Variants in ETV6 observed in about 807,000 individuals in gnomAD.
The protein encoded by ETV6 is ETS variant transcription factor 6.
ETV6 carries 16 observed loss-of-function variants against 51.1 expected under a neutral mutation model. The observed-to-expected ratio is 0.31, with a 90% CI of 0.21 to 0.48. ETV6 has a LOEUF of 0.48. Among genes scored for constraint, ETV6 ranks in the 20% least tolerant of loss-of-function variants. ETV6 has a pLI of 0.99. For synonymous variants in ETV6, 240 were observed against 224.1 expected, an observed-to-expected ratio of 1.07 and a Z score of -0.64; for missense variants, 458 against 594.8, an observed-to-expected ratio of 0.77 and a Z score of 2.39.
intron 1 of ETV6, among the ~76,000 whole-genome samples, chr12:11,665,838 C>T (rs975992820): frequency 6.6e-6 from 1 of 152,222 alleles, no homozygotes; most frequent in Non-Finnish European, 1.5e-5. Flanking sequence ...CATGTACACA[C>T]AGGGCACTCA....
chr12:11,877,707 A>G (rs1159872639), intron 5 of ETV6, among the ~76,000 whole-genome samples: 1 of 152,158 alleles, frequency 6.6e-6, no homozygotes, highest in Non-Finnish European at 1.5e-5. Context: ...GCCTGTGGCA[A>G]AAGCTTGGAC....
intron 2 of ETV6, among the ~76,000 whole-genome samples, chr12:11,789,025 G>A (rs1565526558): frequency 6.6e-6 from 1 of 151,874 alleles, no homozygotes; most frequent in Non-Finnish European, 1.5e-5. Flanking sequence ...TATATTTATT[G>A]TTTTTGTTGT....
intron 1 of ETV6, among the ~76,000 whole-genome samples, chr12:11,735,981 C>T (rs922596240): frequency 2.0e-5 from 3 of 152,078 alleles, no homozygotes; most frequent in African/African-American, 7.3e-5. Flanking sequence ...TAAATGTCGC[C>T]CTTATTTTGA....
chr12:11,667,838 A>T (rs1183685560), intron 1 of ETV6, among the ~76,000 whole-genome samples: 2 of 149,908 alleles, frequency 1.3e-5, no homozygotes, highest in Admixed American at 6.8e-5. Context: ...TGTAGCTGGG[A>T]TTACAGGTGC....
At chr12:11,789,321 G>T (rs747927331) in intron 2 of ETV6, among the ~76,000 whole-genome samples, 11 of 152,000 alleles carry the variant, frequency 7.2e-5, no homozygotes, top group Non-Finnish European at 1.3e-4. Flanking sequence ...GGTGAGCCAC[G>T]ATCGTATTTC....
chr12:11,830,987 A>T (rs985256533), intron 2 of ETV6, among the ~76,000 whole-genome samples: 12 of 152,242 alleles, frequency 7.9e-5, no homozygotes, highest in African/African-American at 1.9e-4. Flanking sequence ...ACAAATTTTT[A>T]AAATGTAGGG....
At chr12:11,857,857 A>G (rs181813524) in intron 4 of ETV6, among the ~76,000 whole-genome samples, 1 of 152,346 alleles carries the variant, frequency 6.6e-6, no homozygotes, top group Admixed American at 6.5e-5. Context: ...TGGTTTCTGC[A>G]GTCTCTTACA....
At chr12:11,887,471 C>T (rs2283341) in intron 7 of ETV6, among the ~76,000 whole-genome samples, 63,935 of 151,804 alleles carry the variant, frequency 0.42, 14,303 homozygotes, top group South Asian at 0.58. Context: ...ACCCAGAGGC[C>T]GGGCATGATG....
intron 5 of ETV6, among the ~76,000 whole-genome samples, chr12:11,878,054 C>T (rs1015291296): frequency 6.6e-6 from 1 of 152,158 alleles, no homozygotes; most frequent in Non-Finnish European, 1.5e-5. Context: ...CCTCCGTTTT[C>T]TTATTTCCTT....
intron 1 of ETV6, among the ~76,000 whole-genome samples, chr12:11,659,347 A>G (rs1411022849): frequency 1.3e-5 from 2 of 152,038 alleles, no homozygotes; most frequent in South Asian, 2.1e-4. Context: ...CCCTTTTTTG[A>G]GGAATTGTGG....
chr12:11,839,772 C>T (rs552870463), intron 3 of ETV6, among the ~76,000 whole-genome samples: 78 of 152,182 alleles, frequency 5.1e-4, no homozygotes, highest in African/African-American at 1.5e-3. Flanking sequence ...CCCAGCTACT[C>T]AAGAGGCTGA....
At chr12:11,795,119 A>G (rs17818048) in intron 2 of ETV6, among the ~76,000 whole-genome samples, 2,551 of 152,368 alleles carry the variant, frequency 0.017, 75 homozygotes, top group East Asian at 0.13. Flanking sequence ...GTTTCATTCA[A>G]TGTAAGCTGG....
chr12:11,654,933 G>C (rs1003269706), intron 1 of ETV6, among the ~76,000 whole-genome samples: 4 of 152,144 alleles, frequency 2.6e-5, no homozygotes, highest in African/African-American at 9.7e-5. Flanking sequence ...GCTGGCCCTA[G>C]AGAAGTAGCT....
chr12:11,885,273 C>A (rs1421870416), intron 6 of ETV6, among the ~76,000 whole-genome samples: 1 of 152,204 alleles, frequency 6.6e-6, no homozygotes, highest in Non-Finnish European at 1.5e-5. Flanking sequence ...GGAGGCCCAG[C>A]CAGGTGTGCC....
intron 2 of ETV6, among the ~76,000 whole-genome samples, chr12:11,835,991 T>G (rs1946310030): frequency 1.3e-5 from 2 of 152,242 alleles, no homozygotes; most frequent in Non-Finnish European, 2.9e-5. Flanking sequence ...AGCATGCAGT[T>G]GAATGAGCTA....
intron 1 of ETV6, among the ~76,000 whole-genome samples, chr12:11,726,028 A>G (rs909268100): frequency 2.6e-5 from 4 of 152,200 alleles, no homozygotes; most frequent in Admixed American, 1.3e-4. Flanking sequence ...GACTCCCTCC[A>G]GTTGCTTCAA....
At chr12:11,703,718 A>T (rs1865024988) in intron 1 of ETV6, among the ~76,000 whole-genome samples, 1 of 152,230 alleles carries the variant, frequency 6.6e-6, no homozygotes, top group African/African-American at 2.4e-5. Context: ...ACTACCCATT[A>T]GCAGATGTGG....
Position 11,649,980 on chromosome 12 carries a change from C to G in ETV6, c.-148C>G. ...CCGCCCCGCCCCGCCCCGCGCGCTCCAGACCCCCGGGGCGGCTGCCGGGAG... is the reference window on the plus strand; with the variant it reads ...CCGCCCCGCCCCGCCCCGCGCGCTCGAGACCCCCGGGGCGGCTGCCGGGAG... On this transcript the variant is annotated 5_prime_UTR_variant, in exon 1 of 8. Coordinates refer to ENST00000396373, the MANE Select transcript of ETV6 (RefSeq NM_001987.5). 1 of 704,794 alleles carries G rather than the reference C, an allele frequency of 1.4e-6. No individual in the cohort carries two copies. The highest frequency in any genetic ancestry group is 2.4e-6 in the Non-Finnish European group (1 of 413,820). The allele number at this position is 704,794 out of a possible 1,614,324, so 43.7% of individuals were successfully genotyped here.
chr12:11,741,896 C>CT (rs1865818410), intron 1 of ETV6, among the ~76,000 whole-genome samples: 1 of 152,346 alleles, frequency 6.6e-6, no homozygotes, highest in African/African-American at 2.4e-5. Flanking sequence ...CACCTGGGAG[C>CT]TTTAACAGCG....
Sources: allele counts gnomAD v4.1 joint callset (sites outside exome capture counted in the v4.1 genomes callset), GRCh38; gene constraint gnomAD v4.1.1; transcripts MANE v1.5; gene names NCBI Gene and HGNC (gene_info 2026-07-23, HGNC 2026-07-21).